The following SRPK2 variants were observed in gnomAD, a reference collection of about 807,000 sequenced individuals.
SRPK2 encodes the protein SFRS protein kinase 2.
SRPK2 carries 21 observed loss-of-function variants against 90.8 expected under a neutral mutation model. That is an observed-to-expected ratio of 0.23 (90% CI 0.16 to 0.33). SRPK2 has a LOEUF of 0.33. Ranked by LOEUF, SRPK2 falls within the 10% of genes least tolerant of loss-of-function variation. The pLI is 1.00. For missense variants in SRPK2, 620 were observed against 869.0 expected, an observed-to-expected ratio of 0.71 and a Z score of 3.60; for synonymous variants, 288 against 311.1, an observed-to-expected ratio of 0.93 and a Z score of 0.78.
At chr7:105,252,163 TAAA>T (rs1802566022) in intron 2 of SRPK2, among the ~76,000 whole-genome samples, 1 of 152,090 alleles carries the variant, frequency 6.6e-6, no homozygotes. Flanking sequence ...CTCCTTAAAA[TAAA>T]AAATGCTCAA....
chr7:105,148,044 T>C (rs1361408835), intron 7 of SRPK2, among the ~76,000 whole-genome samples: 1 of 152,242 alleles, frequency 6.6e-6, no homozygotes, highest in Non-Finnish European at 1.5e-5. Flanking sequence ...ACTTAGGTCA[T>C]ATGGTGCCTC....
chr7:105,226,790 G>T (rs1388933637), intron 2 of SRPK2, among the ~76,000 whole-genome samples: 1 of 151,578 alleles, frequency 6.6e-6, no homozygotes, highest in East Asian at 1.9e-4. Flanking sequence ...TTGAGGCCAG[G>T]GTTAAAGACC....
At chr7:105,312,437 CAA>C (rs61348366) in intron 2 of SRPK2, among the ~76,000 whole-genome samples, 2 of 84,862 alleles carry the variant, frequency 2.4e-5, no homozygotes, top group African/African-American at 9.6e-5. Context: ...GAGACTCCGT[CAA>C]AAAAAAAAAA....
chr7:105,231,321 G>A (rs536373763), intron 2 of SRPK2, among the ~76,000 whole-genome samples: 2 of 152,122 alleles, frequency 1.3e-5, no homozygotes, highest in East Asian at 1.9e-4. Context: ...GTCACTGATC[G>A]GCATTTACAT....
At chr7:105,281,991 A>G (rs1215614084) in intron 2 of SRPK2, among the ~76,000 whole-genome samples, 1 of 152,198 alleles carries the variant, frequency 6.6e-6, no homozygotes, top group Non-Finnish European at 1.5e-5. Flanking sequence ...TGCAAGGTAC[A>G]ATGAATAGCC....
intron 7 of SRPK2, among the ~76,000 whole-genome samples, chr7:105,150,617 A>C (rs1194973834): frequency 6.6e-6 from 1 of 152,232 alleles, no homozygotes; most frequent in Non-Finnish European, 1.5e-5. Flanking sequence ...TATACTTTTG[A>C]AGGAAACACA....
At chr7:105,305,435 T>C (rs1052179992) in intron 2 of SRPK2, among the ~76,000 whole-genome samples, 3 of 152,084 alleles carry the variant, frequency 2.0e-5, no homozygotes, top group South Asian at 2.1e-4. Flanking sequence ...AGCGAGACTC[T>C]GTCACAAAAA....
chr7:105,168,714 T>A (rs1790399849), intron 4 of SRPK2, among the ~76,000 whole-genome samples: 1 of 115,532 alleles, frequency 8.7e-6, no homozygotes, highest in African/African-American at 3.0e-5. Context: ...ACACTTTTGT[T>A]TCAGTACACA....
chr7:105,244,860 C>T (rs1287972211), intron 2 of SRPK2: 7 of 1,218,880 alleles, frequency 5.7e-6, no homozygotes, highest in Non-Finnish European at 7.3e-6. Flanking sequence ...CAAACGGGTC[C>T]TCAAGTTCAT....
intron 9 of SRPK2, among the ~76,000 whole-genome samples, chr7:105,144,319 C>T (rs927177728): frequency 1.3e-5 from 2 of 150,242 alleles, no homozygotes; most frequent in African/African-American, 4.9e-5. Context: ...CAGCTCACTG[C>T]AACCGTTACC....
chr7:105,328,839 T>G (rs1233996673), intron 2 of SRPK2, among the ~76,000 whole-genome samples: 1 of 142,104 alleles, frequency 7.0e-6, no homozygotes, highest in East Asian at 2.0e-4. Context: ...CACTCCAGCC[T>G]GGGTGACAGA....
chr7:105,360,566 T>C (rs1296722835), intron 2 of SRPK2, among the ~76,000 whole-genome samples: 2 of 152,142 alleles, frequency 1.3e-5, no homozygotes, highest in Admixed American at 1.3e-4. Flanking sequence ...GCAGGCCTGG[T>C]GGTGACAAAA....
chr7:105,246,957 G>A (rs1023839613), intron 2 of SRPK2, among the ~76,000 whole-genome samples: 2 of 152,198 alleles, frequency 1.3e-5, no homozygotes, highest in African/African-American at 4.8e-5. Flanking sequence ...GCAGGTGAGT[G>A]AGAAGCACTA....
chr7:105,334,429 G>A (rs949408138), intron 2 of SRPK2, among the ~76,000 whole-genome samples: 6 of 146,974 alleles, frequency 4.1e-5, no homozygotes, highest in Non-Finnish European at 7.5e-5. Context: ...TCACCATGTT[G>A]GCCAGGCTGG....
chr7:105,382,855 G>C (rs932409260), intron 2 of SRPK2, among the ~76,000 whole-genome samples: 1 of 152,070 alleles, frequency 6.6e-6, no homozygotes, highest in East Asian at 1.9e-4. Context: ...GAACTACACA[G>C]AGAGTGCATG....
At chr7:105,167,698 C>T (rs901856031) in intron 5 of SRPK2, among the ~76,000 whole-genome samples, 2 of 151,814 alleles carry the variant, frequency 1.3e-5, no homozygotes, top group Admixed American at 1.3e-4. Flanking sequence ...GCAACCTCTG[C>T]CTCCCAGGTT....
intron 2 of SRPK2, among the ~76,000 whole-genome samples, chr7:105,253,064 G>C (rs924795116): frequency 1.3e-5 from 2 of 151,980 alleles, no homozygotes; most frequent in Admixed American, 6.6e-5. Context: ...CTTTAAGTTA[G>C]GATTTCTTTA....
intron 2 of SRPK2, among the ~76,000 whole-genome samples, chr7:105,382,675 A>C (rs1473010376): frequency 6.6e-6 from 1 of 152,076 alleles, no homozygotes; most frequent in Non-Finnish European, 1.5e-5. Context: ...ATACTGTATA[A>C]TTCCATTTAT....
intron 2 of SRPK2, among the ~76,000 whole-genome samples, chr7:105,366,646 G>C (rs149907947): frequency 0.012 from 1,786 of 152,242 alleles, 31 homozygotes; most frequent in African/African-American, 0.041. Context: ...TGGGATTACA[G>C]GCGTGAGCCA....
Sources: gnomAD v4.1 joint callset for allele counts (sites outside exome capture counted in the v4.1 genomes callset) on GRCh38, gnomAD v4.1.1 for gene constraint, MANE v1.5 for transcripts, NCBI Gene and HGNC (gene_info 2026-07-23, HGNC 2026-07-21) for gene names.